The following SHISA6 variants were observed in gnomAD, a reference collection of about 807,000 sequenced individuals.
SHISA6 encodes shisa family member 6, also known as protein shisa-6.
A neutral mutation model predicts 47.9 loss-of-function variants in SHISA6; 22 were observed. That is an observed-to-expected ratio of 0.46 (90% CI 0.33 to 0.66). The LOEUF (loss-of-function observed/expected upper bound fraction) is 0.66, where lower values mean the gene tolerates loss of function less well. Ranked by LOEUF, SHISA6 falls within the 30% of genes least tolerant of loss-of-function variation. The probability of loss-of-function intolerance (pLI) is 0.02; values close to 1 mark genes in which losing one functional copy is unlikely to be tolerated. For missense variants in SHISA6, 680 were observed against 764.6 expected (o/e 0.89, Z 1.30); for synonymous variants, 388 against 337.8 (o/e 1.15, Z -1.63).
intron 3 of SHISA6, among the ~76,000 whole-genome samples, chr17:11,538,905 T>A (rs1232978971): frequency 1.3e-5 from 2 of 152,120 alleles, no homozygotes; most frequent in African/African-American, 4.8e-5. Flanking sequence ...AGCCAATATC[T>A]ATATCACCTC....
chr17:11,428,946 G>A (rs566229751), intron 3 of SHISA6, among the ~76,000 whole-genome samples: 36 of 151,680 alleles, frequency 2.4e-4, no homozygotes, highest in Non-Finnish European at 3.5e-4. Context: ...TACCACGCCC[G>A]GTTAATTTTT....
At chr17:11,422,569 T>C (rs529977727) in intron 3 of SHISA6, among the ~76,000 whole-genome samples, 1 of 152,064 alleles carries the variant, frequency 6.6e-6, no homozygotes, top group Admixed American at 6.5e-5. Flanking sequence ...CTGGCCAACA[T>C]AGTGAAATTC....
chr17:11,275,383 T>G (rs1012575891), intron 2 of SHISA6, among the ~76,000 whole-genome samples: 1 of 152,054 alleles, frequency 6.6e-6, no homozygotes, highest in African/African-American at 2.4e-5. Flanking sequence ...TAGCAGCACC[T>G]TGAGAGCCAG....
At chr17:11,347,907 G>A (rs928370133) in intron 2 of SHISA6, among the ~76,000 whole-genome samples, 2 of 152,162 alleles carry the variant, frequency 1.3e-5, no homozygotes, top group South Asian at 2.1e-4. Context: ...TCTTTCATGC[G>A]CTGACTTTCT....
chr17:11,243,453 A>AC (rs1165746907), intron 1 of SHISA6, among the ~76,000 whole-genome samples: 1 of 152,006 alleles, frequency 6.6e-6, no homozygotes, highest in Non-Finnish European at 1.5e-5. Flanking sequence ...AGGCTCTGTC[A>AC]CCCTGAGGTG....
At chr17:11,508,519 T>A (rs1437799573) in intron 3 of SHISA6, among the ~76,000 whole-genome samples, 1 of 135,666 alleles carries the variant, frequency 7.4e-6, no homozygotes, top group Non-Finnish European at 1.6e-5. Flanking sequence ...ATCCTCAAAT[T>A]CACTCATGGT....
chr17:11,246,626 G>A lies in SHISA6; in HGVS notation c.638+4566G>A, dbSNP rs571263567. ...AAGCAAAAATAGCGAAAGGAGGAAA[G>A]CAATCCAGTGAGAGGTTGATTATTC... On this transcript the variant is annotated intron_variant, in intron 1 of 5. Transcript: ENST00000441885. Among the ~76,000 whole-genome samples, 186 of 152,290 alleles carry A rather than the reference G, an allele frequency of 1.2e-3. 1 individual carries two copies. The highest frequency in any genetic ancestry group is 4.2e-3 in the African/African-American group (175 of 41,556).
intron 2 of SHISA6, among the ~76,000 whole-genome samples, chr17:11,347,767 TGGAA>T (rs1567580374): frequency 6.6e-6 from 1 of 152,090 alleles, no homozygotes; most frequent in Non-Finnish European, 1.5e-5. Context: ...GAAGGAAGCT[TGGAA>T]GCTGTATCTA....
At chr17:11,363,474 AAGAGTAAATATTGGTGGTTTCT>A (rs1912351260) in intron 2 of SHISA6, among the ~76,000 whole-genome samples, 1 of 152,192 alleles carries the variant, frequency 6.6e-6, no homozygotes, top group South Asian at 2.1e-4. Context: ...TTTCTACTGA[AAGAGTAAATATTGGTGGTTTCT>A]AATTTTCCTC....
At chr17:11,286,246 T>C (rs1036019141) in intron 2 of SHISA6, among the ~76,000 whole-genome samples, 1 of 152,124 alleles carries the variant, frequency 6.6e-6, no homozygotes, top group Non-Finnish European at 1.5e-5. Flanking sequence ...CTAGAGCATA[T>C]CTGTGTGTCC....
intron 3 of SHISA6, among the ~76,000 whole-genome samples, chr17:11,466,960 A>C (rs966203578): frequency 2.0e-5 from 3 of 152,100 alleles, no homozygotes; most frequent in Admixed American, 2.0e-4. Flanking sequence ...GCATGTCTCA[A>C]GTGTCATTAA....
At chr17:11,549,743 G>A (rs1000217852) in intron 3 of SHISA6, among the ~76,000 whole-genome samples, 1 of 152,116 alleles carries the variant, frequency 6.6e-6, no homozygotes, top group African/African-American at 2.4e-5. Flanking sequence ...AATGACCTGG[G>A]TTTCTCCCAT....
chr17:11,525,652 C>CAAAAAAAAAAAAAAAAAAAAAAA (rs371530736), intron 3 of SHISA6, among the ~76,000 whole-genome samples: 1 of 104,282 alleles, frequency 9.6e-6, no homozygotes, highest in Non-Finnish European at 1.8e-5. Context: ...AAAAAAAAAA[C>CAAAAAAAAAAAAAAAAAAAAAAA]AAAAAAAAAA....
At chr17:11,282,756 C>T (rs1057438329) in intron 2 of SHISA6, among the ~76,000 whole-genome samples, 7 of 152,142 alleles carry the variant, frequency 4.6e-5, no homozygotes, top group Non-Finnish European at 7.3e-5. Context: ...CATTGTAACC[C>T]GGAGAGACAA....
Position 11,558,436 on chromosome 17 carries a change from C to G in SHISA6, c.*132C>G. 9.2e-7 allele frequency: 1 copy of G among 1,092,722 alleles called. No individual in the cohort carries two copies. Among genetic ancestry groups the G allele is most frequent in the Non-Finnish European group, 1.3e-6 (1 of 781,340 alleles). 67.7% of individuals were successfully genotyped at this position (1,092,722 alleles called of 1,614,324 possible). ...TCTGTAGGAAGTGGGGGTGGGCCAC[C>G]TTTGCCCAAAAAGCCATACCCCCGG... On this transcript the variant is annotated 3_prime_UTR_variant, in exon 6 of 6. Transcript: ENST00000441885.
chr17:11,511,341 G>A (rs2071539862), intron 3 of SHISA6, among the ~76,000 whole-genome samples: 1 of 152,032 alleles, frequency 6.6e-6, no homozygotes, highest in African/African-American at 2.4e-5. Context: ...ACGCATGAGG[G>A]ACTTAAAACC....
intron 2 of SHISA6, among the ~76,000 whole-genome samples, chr17:11,358,409 G>C (rs559156077): frequency 3.7e-4 from 57 of 152,016 alleles, no homozygotes; most frequent in Non-Finnish European, 7.8e-4. Flanking sequence ...GCCCAGGCTG[G>C]AGTGCAGTGG....
intron 3 of SHISA6, among the ~76,000 whole-genome samples, chr17:11,429,467 T>A (rs1227689987): frequency 6.6e-6 from 1 of 152,110 alleles, no homozygotes; most frequent in East Asian, 1.9e-4. Context: ...TCTGTCCAAT[T>A]GAACTTTTTA....
intron 2 of SHISA6, among the ~76,000 whole-genome samples, chr17:11,332,324 A>G (rs758186635): frequency 3.9e-5 from 6 of 151,914 alleles, no homozygotes; most frequent in Non-Finnish European, 7.4e-5. Context: ...CTGGTTTTAT[A>G]GCAGCTCTCT....
Sources: allele counts gnomAD v4.1 joint callset (sites outside exome capture counted in the v4.1 genomes callset), GRCh38; gene constraint gnomAD v4.1.1; transcripts MANE v1.5; gene names NCBI Gene and HGNC (gene_info 2026-07-23, HGNC 2026-07-21).